Variants in PRKN observed in about 807,000 individuals in gnomAD.
PRKN encodes the protein parkin RBR E3 ubiquitin protein ligase.
Under a neutral mutation model 59.5 loss-of-function variants are expected in PRKN, and 56 were observed. That is an observed-to-expected ratio of 0.94 (90% confidence interval 0.76 to 1.18). The LOEUF (loss-of-function observed/expected upper bound fraction) is 1.18, where lower values mean the gene tolerates loss of function less well. PRKN is among the 50% of genes most tolerant of loss of function. The pLI is 0.00. For missense variants in PRKN, 657 were observed against 596.4 expected, an observed-to-expected ratio of 1.10 and a Z score of -1.06; for synonymous variants, 250 against 222.1, an observed-to-expected ratio of 1.13 and a Z score of -1.12.
chr6:161,615,675 G>C (rs1350905315), intron 7 of PRKN, among the ~76,000 whole-genome samples: 1 of 152,220 alleles, frequency 6.6e-6, no homozygotes, highest in African/African-American at 2.4e-5. Context: ...CCATAAAGGG[G>C]GTCATGTGAT....
At chr6:162,428,728 C>T (rs564255470) in intron 2 of PRKN, among the ~76,000 whole-genome samples, 7 of 152,308 alleles carry the variant, frequency 4.6e-5, no homozygotes, top group Admixed American at 1.3e-4. Flanking sequence ...TCCATTACAA[C>T]GTCTAGTACC....
intron 7 of PRKN, among the ~76,000 whole-genome samples, chr6:161,615,634 C>T (rs73782954): frequency 6.6e-6 from 1 of 152,216 alleles, no homozygotes; most frequent in Non-Finnish European, 1.5e-5. Flanking sequence ...CTGCCAGGAC[C>T]CTTGCTCCGG....
chr6:162,382,511 T>C (rs945907608), intron 2 of PRKN, among the ~76,000 whole-genome samples: 14 of 152,190 alleles, frequency 9.2e-5, no homozygotes, highest in African/African-American at 2.2e-4. Context: ...AAAAACAGCA[T>C]ACAAACTTTA....
chr6:161,888,673 A>G (rs1795237816), intron 6 of PRKN, among the ~76,000 whole-genome samples: 2 of 152,078 alleles, frequency 1.3e-5, no homozygotes, highest in Admixed American at 1.3e-4. Context: ...ACTGCCCATA[A>G]TCTTCATAAT....
chr6:161,572,771 C>T (rs1388173605), intron 7 of PRKN, among the ~76,000 whole-genome samples: 5 of 152,154 alleles, frequency 3.3e-5, no homozygotes, highest in Non-Finnish European at 7.3e-5. Flanking sequence ...AAAACCAGAT[C>T]CTTCAAGTGA....
At chr6:161,866,740 GC>G (rs1177287292) in intron 6 of PRKN, among the ~76,000 whole-genome samples, 1 of 152,166 alleles carries the variant, frequency 6.6e-6, no homozygotes, top group East Asian at 1.9e-4. Context: ...ACGATAGACG[GC>G]AATAAAACCA....
intron 7 of PRKN, among the ~76,000 whole-genome samples, chr6:161,713,758 G>C (rs945211881): frequency 6.6e-6 from 1 of 152,094 alleles, no homozygotes; most frequent in Non-Finnish European, 1.5e-5. Context: ...GTTTGACTCT[G>C]TCCCCACCCA....
Position 161,348,398 on chromosome 6 carries a change from T to C in PRKN, c.*1701A>G, listed in dbSNP as rs974705253. 2.2e-5 allele frequency: 5 copies of C among 222,610 alleles called. No homozygotes were observed. The highest frequency in any genetic ancestry group is 9.0e-5 in the African/African-American group (4 of 44,614). 13.8% of individuals were successfully genotyped at this position (222,610 alleles called of 1,614,324 possible). On this transcript the variant is annotated 3_prime_UTR_variant, in exon 12 of 12. Coordinates refer to ENST00000366898, the MANE Select transcript of PRKN (RefSeq NM_004562.3). This position sits in a 1 kb window ranked among gnomAD's most constrained non-coding sequence, Gnocchi z 4.9. The stretch of plus-strand genomic sequence containing the variant: ...TTTGGGCTTCCTGTCACAGGTCTGT[T>C]GTCACCGTGGGGCCATGTTGGAGTC...
chr6:162,333,792 A>G (rs548165671), intron 2 of PRKN, among the ~76,000 whole-genome samples: 1 of 152,324 alleles, frequency 6.6e-6, no homozygotes, highest in South Asian at 2.1e-4. Flanking sequence ...AAGCTCAGTG[A>G]GGAAGGCACG....
intron 1 of PRKN, among the ~76,000 whole-genome samples, chr6:162,674,565 T>G (rs1051802544): frequency 6.6e-6 from 1 of 152,180 alleles, no homozygotes. Flanking sequence ...CACTGTGTGA[T>G]AGGATGCTCG....
intron 2 of PRKN, among the ~76,000 whole-genome samples, chr6:162,265,601 G>C (rs1412947717): frequency 2.0e-5 from 3 of 152,162 alleles, no homozygotes; most frequent in African/African-American, 7.2e-5. Context: ...TGAGGCAGGA[G>C]AATCACTTAA....
At chr6:162,193,703 A>T (rs1293775084) in intron 4 of PRKN, among the ~76,000 whole-genome samples, 1 of 152,154 alleles carries the variant, frequency 6.6e-6, no homozygotes, top group Non-Finnish European at 1.5e-5. Context: ...CATTCACCAA[A>T]GGCTGATTCA....
At chr6:162,511,002 T>C (rs1345780556) in intron 1 of PRKN, among the ~76,000 whole-genome samples, 1 of 152,038 alleles carries the variant, frequency 6.6e-6, no homozygotes, top group Admixed American at 6.6e-5. Flanking sequence ...TTTTCCTACA[T>C]TTGGGAAGAA....
At chr6:162,117,035 T>C (rs1428992632) in intron 4 of PRKN, among the ~76,000 whole-genome samples, 4 of 152,220 alleles carry the variant, frequency 2.6e-5, no homozygotes, top group African/African-American at 9.6e-5. Context: ...TTTATCAAAC[T>C]GTCCAGGATG....
chr6:162,493,019 C>T (rs117873460), intron 1 of PRKN, among the ~76,000 whole-genome samples: 1,529 of 151,754 alleles, frequency 0.01, 21 homozygotes, highest in Middle Eastern at 0.024. Context: ...TGCTTCCTGC[C>T]CCCTCCCACA....
rs561675571 is a variant in PRKN at position 162,549,358 on chromosome 6, A to G, written c.8-105885T>C. Among the ~76,000 whole-genome samples, 27 of 152,288 alleles carry G rather than the reference A, an allele frequency of 1.8e-4. 2 individuals carry two copies. The South Asian group carries it at 5.6e-3, about 32-fold the overall frequency. On this transcript the variant is annotated intron_variant, in intron 1 of 11. Coordinates refer to ENST00000366898, the MANE Select transcript of PRKN (RefSeq NM_004562.3). Reference sequence around the variant, plus strand: ...ACTGACCAAAACACAGGTTTCTATGAAGTTTGTTTTGAGAAACAGAAAAAT... The same window carrying G: ...ACTGACCAAAACACAGGTTTCTATGGAGTTTGTTTTGAGAAACAGAAAAAT...
chr6:162,481,105 G>A (rs1356758968), intron 1 of PRKN, among the ~76,000 whole-genome samples: 3 of 151,910 alleles, frequency 2.0e-5, no homozygotes, highest in African/African-American at 7.3e-5. Context: ...TTACAGGCAT[G>A]AGCCACTGCG....
intron 6 of PRKN, among the ~76,000 whole-genome samples, chr6:161,829,735 A>C (rs1002572245): frequency 2.0e-5 from 3 of 151,842 alleles, no homozygotes; most frequent in African/African-American, 7.3e-5. Flanking sequence ...GCTGCAGCCC[A>C]GCTCCTCCAC....
chr6:161,477,019 T>C lies in PRKN; in HGVS notation c.1083+71835A>G, dbSNP rs535845467. ...GGAAGTGCGCATGATGTCAGCTAAT[T>C]AACTTGGATGATGTTGGAGAGTGAG... On this transcript the variant is annotated intron_variant, in intron 9 of 11. Transcript: ENST00000366898. 1.1e-4 allele frequency among the ~76,000 whole-genome samples: 16 copies of C among 152,312 alleles called. No homozygotes were observed. In the East Asian group the frequency reaches 2.7e-3, roughly 26 times the overall value.
Sources: allele counts gnomAD v4.1 joint callset (sites outside exome capture counted in the v4.1 genomes callset), GRCh38; gene constraint gnomAD v4.1.1; non-coding constraint Gnocchi (gnomAD v3.1); transcripts MANE v1.5; gene names NCBI Gene and HGNC (gene_info 2026-07-23, HGNC 2026-07-21).